RP1L1: variants seen among roughly 807,000 people sequenced by gnomAD.
RP1L1 encodes the protein RP1 like 1, also known as retinitis pigmentosa 1-like 1 protein.
Under a neutral mutation model 15.7 loss-of-function variants are expected in RP1L1, and 27 were observed. That is an observed-to-expected ratio of 1.72 (90% CI 1.27 to 2.38). The LOEUF (loss-of-function observed/expected upper bound fraction) is 2.38. Among genes scored for constraint, RP1L1 ranks in the 30% most tolerant of loss-of-function variants. The pLI is 0.00. For missense variants in RP1L1, 4,798 were observed against 3,075.9 expected, an observed-to-expected ratio of 1.56 and a Z score of -13.24; for synonymous variants, 1,813 against 1,276.7, an observed-to-expected ratio of 1.42 and a Z score of -8.96.
Position 10,612,748 on chromosome 8 carries a change from C to A in RP1L1, c.1350G>T (p.Gln450His), listed in dbSNP as rs781011572. The A allele has an allele frequency of 6.2e-7, 1 of 1,608,146 alleles. No homozygotes were observed. The highest frequency in any genetic ancestry group is 1.7e-5 in the Admixed American group (1 of 60,012). Residue 450 changes from glutamine (Q) to histidine (H), a missense_variant, in exon 4 of 4, where the codon CAG (glutamine) becomes CAT (histidine). By Grantham distance (24) the Gln-to-His change is conservative. Coordinates refer to ENST00000382483, the MANE Select transcript of RP1L1 (RefSeq NM_178857.6). ...TGCTGGAGGCTGGGCTGGCACTGTC[C>A]TGGCTGCATCTCTCCCTCCCGGCAG... is the stretch of plus-strand genomic sequence containing the variant. ...HGTAGRERCS[Q>H]DSASPASSTG...
At position 10,608,840 on chromosome 8, in the gene RP1L1, T is replaced by A; in HGVS notation, c.5258A>T (p.Asn1753Ile). 1.2e-6 allele frequency: 2 copies of A among 1,614,126 alleles called. No homozygotes were observed. The highest frequency in any genetic ancestry group is 4.5e-5 in the East Asian group (2 of 44,884). The part of the protein sequence containing the change: ...GEDGEGSQRL[N>I]RDKDPKLGEA... ...CCCGAGTTTGGGATCTTTGTCTCTG[T>A]TGAGTCTCTGGCTCCCCTCGCCATC... Residue 1753 changes from asparagine (N) to isoleucine (I), a missense_variant, in exon 4 of 4, where the codon AAC becomes ATC. Physicochemically the swap from Asn to Ile is moderately radical, Grantham distance 149 (BLOSUM62 -3). Coordinates refer to ENST00000382483, the MANE Select transcript of RP1L1 (RefSeq NM_178857.6).
At position 10,622,788 on chromosome 8, in the gene RP1L1, G is replaced by A; in HGVS notation, c.414C>T (p.Ala138=). ...TCTTCCGGGAGGAGGAGGTGCCTGG[G>A]GCTTCACGCTGGCCTTCGACATCCC... ...QLRDVEGQRE[A]PGTSSSRKSL... Residue 138 remains alanine (A), a synonymous_variant, in exon 2 of 4, where the codon GCC becomes GCT. Coordinates refer to ENST00000382483, the MANE Select transcript of RP1L1 (RefSeq NM_178857.6). 6.2e-7 allele frequency: 1 copy of A among 1,613,954 alleles called. No individual in the cohort carries two copies. The highest frequency in any genetic ancestry group is 1.1e-5 in the South Asian group (1 of 91,060).
rs1420291576 is a variant in RP1L1 at position 10,613,349 on chromosome 8, G to A, written c.752-3C>T. The A allele has an allele frequency of 1.3e-6, 2 of 1,599,530 alleles. No homozygotes were observed. The highest frequency in any genetic ancestry group is 1.7e-6 in the Non-Finnish European group (2 of 1,179,940). On this transcript the variant is annotated splice_region_variant and splice_polypyrimidine_tract_variant and intron_variant, in intron 3 of 3. Coordinates refer to ENST00000382483, the MANE Select transcript of RP1L1 (RefSeq NM_178857.6). The stretch of plus-strand genomic sequence containing the variant: ...CTTGGTCTTTGGCCCCCAGCTCCCT[G>A]GCACGCAGTGAAGAGGAAAAGAAAA...
chr8:10,622,786 G>C lies in RP1L1; in HGVS notation c.416C>G (p.Pro139Arg). 6.2e-7 allele frequency: 1 copy of C among 1,612,854 alleles called. No individual in the cohort carries two copies. The highest frequency in any genetic ancestry group is 8.5e-7 in the Non-Finnish European group (1 of 1,179,882). Residue 139 changes from proline (P) to arginine (R), a missense_variant, in exon 2 of 4, where the codon CCA (proline) becomes CGA (arginine). Transcript: ENST00000382483. The stretch of plus-strand genomic sequence containing the variant: ...ACTCTTCCGGGAGGAGGAGGTGCCT[G>C]GGGCTTCACGCTGGCCTTCGACATC... ...LRDVEGQREA[P>R]GTSSSRKSLK... is the part of the protein sequence containing the mutation.
At position 10,606,758 on chromosome 8, in the gene RP1L1, T is replaced by A; in HGVS notation, c.*137A>T. 1 of 1,434,424 alleles carries A rather than the reference T, an allele frequency of 7.0e-7. No individual in the cohort carries two copies. Among genetic ancestry groups the A allele is most frequent in the Non-Finnish European group, 9.4e-7 (1 of 1,065,216 alleles). The allele number at this position is 1,434,424 out of a possible 1,614,324, so 88.9% of individuals were successfully genotyped here. A position where few individuals can be genotyped will look rare whatever the true frequency, so the allele number is the denominator to read the frequency against. The stretch of plus-strand genomic sequence containing the variant: ...TCCCAGGACAGCATGGCATGGGCTG[T>A]GTCCTTGGCAAGTCCTTGGTCTTTG... On this transcript the variant is annotated 3_prime_UTR_variant, in exon 4 of 4. Transcript: ENST00000382483.
rs757271707 is a variant in RP1L1 at position 10,610,029 on chromosome 8, C to T, written c.4069G>A (p.Glu1357Lys). Residue 1357 changes from glutamate to lysine, a missense_variant, in exon 4 of 4, where the codon GAG (glutamate) becomes AAG (lysine). Physicochemically the swap from Glu to Lys is moderately conservative, Grantham distance 56 (BLOSUM62 1). Transcript: ENST00000382483. Reference protein sequence around the residue: ...EGQQEEEAQLEEIEETGGEGL... With the variant: ...EGQQEEEAQLKEIEETGGEGL... ...TCTCCTCCTGTTTCTTCAATTTCCT[C>T]TAACTGCGCCTCTTCTTCTTGCTGT... The T allele has an allele frequency of 5.8e-6, 8 of 1,387,814 alleles. No individual in the cohort carries two copies. In the South Asian group the frequency reaches 1.0e-4, roughly 18 times the overall value. The allele number at this position is 1,387,814 out of a possible 1,614,324, so 86.0% of individuals were successfully genotyped here. A position where few individuals can be genotyped will look rare whatever the true frequency, so the allele number is the denominator to read the frequency against.
rs1349332300 is a variant in RP1L1 at position 10,608,294 on chromosome 8, G to T, written c.5804C>A (p.Ser1935Ter). ...LETEGEDEPE[S>*]EGAEAQEAEE... ...TGCCTCTTGGGCCTCTGCACCTTCT[G>T]ACTCTGGCTCGTCCTCCCCTTCAGT... The change falls in exon 4 of 4, where the codon TCA (serine) becomes TAA (stop). Residue 1935 changes from serine to a stop codon, truncating the protein, a stop_gained. Transcript: ENST00000382483. LOFTEE classifies it low-confidence loss of function (END_TRUNC). 1 of 1,596,198 alleles carries T rather than the reference G, an allele frequency of 6.3e-7. No homozygotes were observed. The highest frequency in any genetic ancestry group is 8.5e-7 in the Non-Finnish European group (1 of 1,169,802).
chr8:10,641,789 G>T (rs1265931101), intron 1 of RP1L1, among the ~76,000 whole-genome samples: 1 of 152,096 alleles, frequency 6.6e-6, no homozygotes, highest in African/African-American at 2.4e-5. Flanking sequence ...TAAGCAAACT[G>T]GTACATTCAT....
chr8:10,621,518 G>A (rs1798058498), intron 2 of RP1L1: 1 of 349,172 alleles, frequency 2.9e-6, no homozygotes, highest in South Asian at 2.1e-5. Context: ...TAGATATAGG[G>A]TTTCGCCCTA....
intron 3 of RP1L1, among the ~76,000 whole-genome samples, chr8:10,614,145 G>A (rs1797926998): frequency 6.6e-6 from 1 of 152,162 alleles, no homozygotes; most frequent in Admixed American, 6.5e-5. Flanking sequence ...CAGCACAGCA[G>A]GTGAAATCAA....
chr8:10,609,121 G>C lies in RP1L1; in HGVS notation c.4977C>G (p.Cys1659Trp), dbSNP rs143542839. The change falls in exon 4 of 4, where the codon TGC (cysteine) becomes TGG (tryptophan). Residue 1659 changes from cysteine to tryptophan, a missense_variant. Transcript: ENST00000382483. ...TCACTTTCTTCCTCACGCAGGCCTC[G>C]CAGGGACAGAACTCCTCCCCCTCCG... is the stretch of plus-strand genomic sequence containing the variant. ...EEAEGEEFCP[C>W]EACVRKKVSP... 1.9e-6 allele frequency: 3 copies of C among 1,613,486 alleles called. No individual in the cohort carries two copies. The highest frequency in any genetic ancestry group is 2.5e-6 in the Non-Finnish European group (3 of 1,179,642).
rs184524244 is a variant in RP1L1 at position 10,642,635 on chromosome 8, C to G, written c.-20+12263G>C. Among the ~76,000 whole-genome samples, 327 of 152,348 alleles carry G rather than the reference C, an allele frequency of 2.1e-3. 4 individuals are homozygous for G. The highest frequency in any genetic ancestry group is 0.014 in the Middle Eastern group (4 of 294). ...TATTTGATTTTCCATTAAATACAAT[C>G]AAATCTAATCCTAATTAGTATACCA... On this transcript the variant is annotated intron_variant, in intron 1 of 3. Transcript: ENST00000382483.
In RP1L1 at chr8:10,607,430, G is replaced by T; in HGVS notation, c.6668C>A (p.Pro2223Gln). The part of the protein sequence containing the change: ...EAPEAEEEAQ[P>Q]EPEGVETPEA... ...CGGGGTCTCTACGCCTTCTGGCTCT[G>T]GCTGGGCCTCCTCTTCAGCCTCCGG... Residue 2223 changes from proline (P) to glutamine (Q), a missense_variant, in exon 4 of 4, where the codon CCA (proline) becomes CAA (glutamine). Transcript: ENST00000382483. The T allele has an allele frequency of 7.4e-6, 12 of 1,613,710 alleles. No individual in the cohort carries two copies. The highest frequency in any genetic ancestry group is 1.0e-5 in the Non-Finnish European group (12 of 1,179,922).
intron 1 of RP1L1, among the ~76,000 whole-genome samples, chr8:10,630,259 C>A (rs1476314246): frequency 1.3e-5 from 2 of 152,226 alleles, no homozygotes; most frequent in African/African-American, 4.8e-5. Flanking sequence ...ACCCCATCCA[C>A]ACCCCAGGCA....
chr8:10,611,471 C>A lies in RP1L1; in HGVS notation c.2627G>T (p.Ser876Ile). 6.4e-7 allele frequency: 1 copy of A among 1,569,434 alleles called. No homozygotes were observed. Among genetic ancestry groups the A allele is most frequent in the Non-Finnish European group, 8.6e-7 (1 of 1,159,754 alleles). The change falls in exon 4 of 4, where the codon AGC becomes ATC. Residue 876 changes from serine to isoleucine, a missense_variant. By Grantham distance (142) the Ser-to-Ile change is moderately radical. Coordinates refer to ENST00000382483, the MANE Select transcript of RP1L1 (RefSeq NM_178857.6). ...TGGCCCCCGGGCAGTGCTTTGGTGG[C>A]TGCTGCCGGTGCTCCCACAGCTGGA... is the stretch of plus-strand genomic sequence containing the variant. ...RSSSCGSTGS[S>I]HQSTARGPGG...
intron 1 of RP1L1, among the ~76,000 whole-genome samples, chr8:10,628,502 G>T (rs561175823): frequency 6.6e-6 from 1 of 152,126 alleles, no homozygotes; most frequent in African/African-American, 2.4e-5. Context: ...AGAGATCCAG[G>T]AAGCCCAGGC....
At chr8:10,640,842 C>G in intron 1 of RP1L1, among the ~76,000 whole-genome samples, 1 of 152,090 alleles carries the variant, frequency 6.6e-6, no homozygotes, top group African/African-American at 2.4e-5. Context: ...GTAAACACAG[C>G]TCACTGCAGC....
intron 2 of RP1L1, among the ~76,000 whole-genome samples, chr8:10,620,167 A>G (rs1798036017): frequency 1.3e-5 from 2 of 152,186 alleles, no homozygotes; most frequent in African/African-American, 4.8e-5. Context: ...GGTGTCTGCA[A>G]GCTATACAGC....
In RP1L1 at chr8:10,606,616, C is replaced by G. The variant is rs141246100; in HGVS notation, c.*279G>C. 183 of 484,934 alleles carry G rather than the reference C, an allele frequency of 3.8e-4. 1 individual carries two copies. The highest frequency in any genetic ancestry group is 3.4e-3 in the African/African-American group (176 of 51,386). 30.0% of individuals were successfully genotyped at this position (484,934 alleles called of 1,614,324 possible). A position where few individuals can be genotyped will look rare whatever the true frequency, so the allele number is the denominator to read the frequency against. The stretch of plus-strand genomic sequence containing the variant: ...AGTTCCATCTTTCGGGCTCTGCAGA[C>G]AAATAAATAGGAGCCGGGCTGACCT... On this transcript the variant is annotated 3_prime_UTR_variant, in exon 4 of 4. Coordinates refer to ENST00000382483, the MANE Select transcript of RP1L1 (RefSeq NM_178857.6).
Sources: gnomAD v4.1 joint callset for allele counts (sites outside exome capture counted in the v4.1 genomes callset) on GRCh38, gnomAD v4.1.1 for gene constraint, MANE v1.5 for transcripts, NCBI Gene and HGNC (gene_info 2026-07-23, HGNC 2026-07-21) for gene names.